AOAH: variants seen among roughly 807,000 people sequenced by gnomAD.
AOAH encodes the protein acyloxyacyl hydrolase (neutrophil).
Under a neutral mutation model 92.2 loss-of-function variants are expected in AOAH, and 64 were observed. The ratio of observed to expected loss-of-function variants is 0.69; its 90% CI spans 0.57 to 0.86. The LOEUF (loss-of-function observed/expected upper bound fraction) is 0.86, where lower values mean the gene tolerates loss of function less well. AOAH is among the 40% of genes least tolerant of loss of function. The pLI is 0.00. For missense variants in AOAH, 656 were observed against 694.6 expected, an observed-to-expected ratio of 0.94 and a Z score of 0.62; for synonymous variants, 263 against 254.5, an observed-to-expected ratio of 1.03 and a Z score of -0.32.
intron 1 of AOAH, among the ~76,000 whole-genome samples, chr7:36,715,247 C>T (rs1217340666): frequency 6.6e-6 from 1 of 152,064 alleles, no homozygotes; most frequent in Non-Finnish European, 1.5e-5. Flanking sequence ...GCATAAAATA[C>T]CTAGGAATAC....
chr7:36,593,585 A>G (rs1789899075), intron 12 of AOAH, among the ~76,000 whole-genome samples: 1 of 152,160 alleles, frequency 6.6e-6, no homozygotes, highest in Non-Finnish European at 1.5e-5. Context: ...TCTTTTTTAC[A>G]CATGGAAGCC....
chr7:36,578,365 A>G (rs1394540113), intron 12 of AOAH, among the ~76,000 whole-genome samples: 1 of 152,232 alleles, frequency 6.6e-6, no homozygotes, highest in Non-Finnish European at 1.5e-5. Flanking sequence ...AGAAAGTTCT[A>G]AATTCTATGA....
intron 13 of AOAH, among the ~76,000 whole-genome samples, chr7:36,558,517 G>T (rs1024513218): frequency 2.6e-5 from 4 of 152,262 alleles, no homozygotes; most frequent in Non-Finnish European, 4.4e-5. Context: ...TCTCTTCAAA[G>T]ACATTTAAGT....
intron 3 of AOAH, among the ~76,000 whole-genome samples, chr7:36,663,920 G>A (rs970285378): frequency 1.3e-5 from 2 of 151,834 alleles, no homozygotes; most frequent in African/African-American, 4.8e-5. Flanking sequence ...TATGAACAGT[G>A]GTATCTCATT....
intron 1 of AOAH, among the ~76,000 whole-genome samples, chr7:36,704,138 C>T (rs4723556): frequency 0.58 from 87,956 of 151,844 alleles, 25,761 homozygotes; most frequent in East Asian, 0.83. Context: ...TTGTTGGCCG[C>T]ATAAATGTCT....
At chr7:36,711,646 A>C (rs1246408570) in intron 1 of AOAH, among the ~76,000 whole-genome samples, 1 of 152,134 alleles carries the variant, frequency 6.6e-6, no homozygotes. Flanking sequence ...GAGAAGAGAG[A>C]GTGTATGGGA....
intron 13 of AOAH, among the ~76,000 whole-genome samples, chr7:36,568,182 G>T (rs1336866201): frequency 6.6e-6 from 1 of 152,114 alleles, no homozygotes; most frequent in Non-Finnish European, 1.5e-5. Flanking sequence ...GGTAAATAGG[G>T]GTTGTTTAAT....
At chr7:36,718,071 C>T (rs1361489914) in intron 1 of AOAH, among the ~76,000 whole-genome samples, 1 of 151,874 alleles carries the variant, frequency 6.6e-6, no homozygotes, top group African/African-American at 2.4e-5. Context: ...TGAAAAAAGA[C>T]GTCTATCTAG....
chr7:36,686,644 C>T (rs904474722), intron 2 of AOAH, 55 bp downstream of exon 2: 11 of 1,055,678 alleles, frequency 1.0e-5, no homozygotes, highest in African/African-American at 4.9e-5. Flanking sequence ...GTCATCATGA[C>T]TCATGAGTGA....
chr7:36,562,619 A>G (rs1042231494), intron 13 of AOAH, among the ~76,000 whole-genome samples: 1 of 152,146 alleles, frequency 6.6e-6, no homozygotes, highest in African/African-American at 2.4e-5. Context: ...AAAGAAGAGA[A>G]AGGTTTCACA....
chr7:36,681,279 A>C (rs927081101), intron 2 of AOAH, among the ~76,000 whole-genome samples: 1 of 152,232 alleles, frequency 6.6e-6, no homozygotes, highest in East Asian at 1.9e-4. Flanking sequence ...ACAAATTGTG[A>C]ATGTTCAATA....
chr7:36,700,076 C>T (rs754985763), intron 1 of AOAH, among the ~76,000 whole-genome samples: 13 of 151,676 alleles, frequency 8.6e-5, no homozygotes, highest in African/African-American at 2.9e-4. Context: ...TGTATGTTCC[C>T]GGTGTCTTTG....
At chr7:36,635,535 C>T (rs114033551) in intron 5 of AOAH, among the ~76,000 whole-genome samples, 4,542 of 152,036 alleles carry the variant, frequency 0.03, 225 homozygotes, top group African/African-American at 0.1. Flanking sequence ...GTTTGGATCT[C>T]GGCAATTTTT....
intron 12 of AOAH, among the ~76,000 whole-genome samples, chr7:36,593,430 C>T (rs978546418): frequency 2.6e-5 from 4 of 152,192 alleles, no homozygotes; most frequent in African/African-American, 9.7e-5. Context: ...AAATCACACC[C>T]CATGCACACT....
intron 3 of AOAH, among the ~76,000 whole-genome samples, chr7:36,672,980 A>T (rs1562682042): frequency 6.6e-6 from 1 of 151,256 alleles, no homozygotes; most frequent in African/African-American, 2.5e-5. Context: ...TATAGAAAGC[A>T]GAAGAAGGAT....
At chr7:36,517,210 C>CTT (rs752317050) in intron 20 of AOAH, among the ~76,000 whole-genome samples, 670 of 66,884 alleles carry the variant, frequency 0.01, 18 homozygotes, top group East Asian at 0.038. Flanking sequence ...TTCTTTCTTT[C>CTT]TTTCTCTTTC....
intron 3 of AOAH, among the ~76,000 whole-genome samples, chr7:36,664,176 T>C (rs546741838): frequency 6.6e-6 from 1 of 152,190 alleles, no homozygotes; most frequent in Non-Finnish European, 1.5e-5. Context: ...ATTTGTACTA[T>C]GTAAAAAGTT....
intron 4 of AOAH, among the ~76,000 whole-genome samples, chr7:36,645,702 T>G (rs7794973): frequency 0.4 from 61,473 of 151,838 alleles, 13,340 homozygotes; most frequent in African/African-American, 0.55. Context: ...GTTCTGACAC[T>G]TTCCAGCTCC....
At chr7:36,525,837 A>C (rs1049638259) in intron 19 of AOAH, among the ~76,000 whole-genome samples, 1 of 152,214 alleles carries the variant, frequency 6.6e-6, no homozygotes, top group Non-Finnish European at 1.5e-5. Context: ...CTGTGTTTTC[A>C]AAATGAGAAG....
Sources: gnomAD v4.1 joint callset for allele counts (sites outside exome capture counted in the v4.1 genomes callset) on GRCh38, gnomAD v4.1.1 for gene constraint, MANE v1.5 for transcripts, NCBI Gene and HGNC (gene_info 2026-07-23, HGNC 2026-07-21) for gene names.